Variants in MYH15 observed in about 807,000 individuals in gnomAD.
The protein encoded by MYH15 is myosin-15.
In MYH15, 227 loss-of-function variants were observed where a neutral mutation model predicts 240.5. The observed-to-expected ratio is 0.94, with a 90% CI of 0.85 to 1.05. MYH15 has a LOEUF of 1.05. MYH15 is among the 50% of genes least tolerant of loss of function. The probability of loss-of-function intolerance (pLI) is 0.00; values close to 1 mark genes in which losing one functional copy is unlikely to be tolerated. For missense variants in MYH15, 2,217 were observed against 2,247.5 expected, an observed-to-expected ratio of 0.99 and a Z score of 0.27; for synonymous variants, 785 against 796.7, an observed-to-expected ratio of 0.99 and a Z score of 0.25.
At chr3:108,437,387 A>G (rs2082847712) in intron 25 of MYH15, among the ~76,000 whole-genome samples, 167 bp downstream of exon 25, 1 of 150,262 alleles carries the variant, frequency 6.7e-6, no homozygotes, top group African/African-American at 2.5e-5. Flanking sequence ...TTACAACTAT[A>G]AAATAAAGTC....
chr3:108,510,488 T>C lies in MYH15; in HGVS notation c.43A>G (p.Arg15Gly). ...DLGEAAAFLR[R>G]SEAELLLLQA... is the part of the protein sequence containing the mutation. ...AGTAGAAGCAGCTCAGCTTCACTTC[T>C]TCTGAGGAAGGCTGCGGCTTCTCCA... is the stretch of plus-strand genomic sequence containing the variant. The change falls in exon 1 of 41, where the codon AGA (arginine) becomes GGA (glycine). Residue 15 changes from arginine to glycine, a missense_variant. Coordinates refer to ENST00000693548, the MANE Select transcript of MYH15 (RefSeq NM_014981.3). 1 of 1,613,606 alleles carries C rather than the reference T, an allele frequency of 6.2e-7. No homozygotes were observed. The highest frequency in any genetic ancestry group is 8.5e-7 in the Non-Finnish European group (1 of 1,179,736).
At chr3:108,542,551 G>A in the MYH15 span, among the ~76,000 whole-genome samples, 1 of 151,988 alleles carries the variant, frequency 6.6e-6, no homozygotes, top group African/African-American at 2.4e-5. Context: ...TTTATTTTTA[G>A]CATTGAATAT....
Position 108,476,389 on chromosome 3 carries a change from CA to C in MYH15, c.1233+7del, listed in dbSNP as rs1319494365. Reference sequence around the variant, plus strand: ...TAGAATAATAATGCTCTTGAAATATCACCTTACCTGTTCTATAGTTTGACCT... The same window carrying C: ...TAGAATAATAATGCTCTTGAAATATCCCTTACCTGTTCTATAGTTTGACCT... On this transcript the variant is annotated splice_region_variant and intron_variant, in intron 12 of 40. Transcript: ENST00000693548. 3 of 1,465,966 alleles carry C rather than the reference CA, an allele frequency of 2.0e-6. No individual in the cohort carries two copies. The African/African-American group carries it at 4.2e-5, about 20-fold the overall frequency. 90.8% of individuals were successfully genotyped at this position (1,465,966 alleles called of 1,614,324 possible).
chr3:108,391,709 G>A, intron 37 of MYH15, 51 bp downstream of exon 37: 1 of 1,558,988 alleles, frequency 6.4e-7, no homozygotes, highest in Non-Finnish European at 8.7e-7. Context: ...CCAGGACAAA[G>A]AGGTCTTGAA....
chr3:108,458,232 T>A (rs1360459130), intron 18 of MYH15, among the ~76,000 whole-genome samples: 5 of 152,166 alleles, frequency 3.3e-5, no homozygotes, highest in Non-Finnish European at 1.5e-5. Flanking sequence ...CCAAGTTGAC[T>A]CGATGGGAAG....
intron 27 of MYH15, among the ~76,000 whole-genome samples, chr3:108,427,372 G>C (rs1217514972): frequency 6.6e-6 from 1 of 152,178 alleles, no homozygotes; most frequent in East Asian, 1.9e-4. Context: ...TTCATCAATG[G>C]GACTGGTACA....
chr3:108,452,737 G>A (rs933789668), intron 21 of MYH15, among the ~76,000 whole-genome samples: 1 of 152,012 alleles, frequency 6.6e-6, no homozygotes, highest in African/African-American at 2.4e-5. Context: ...AGAAGGAAAA[G>A]GTAAGACTTG....
At chr3:108,490,070 C>T (rs2083335093) in intron 9 of MYH15, among the ~76,000 whole-genome samples, 1 of 152,086 alleles carries the variant, frequency 6.6e-6, no homozygotes, top group Non-Finnish European at 1.5e-5. Context: ...TTAGATCTTA[C>T]GTGTCAGTTG....
chr3:108,419,486 T>C (rs1351626497), intron 28 of MYH15, among the ~76,000 whole-genome samples: 1 of 152,208 alleles, frequency 6.6e-6, no homozygotes, highest in Non-Finnish European at 1.5e-5. Flanking sequence ...AGCCAATGCC[T>C]ATCAAAATAG....
chr3:108,383,814 G>GT lies in MYH15; in HGVS notation c.5632-86_5632-85insA, dbSNP rs2082362837. 5.6e-5 allele frequency: 60 copies of GT among 1,076,184 alleles called. No individual in the cohort carries two copies. The East Asian group carries it at 1.5e-3, about 28-fold the overall frequency. 66.7% of individuals were successfully genotyped at this position (1,076,184 alleles called of 1,614,324 possible). ...TTTTCTGCTCTGACATGAGAAAGTT[G>GT]AATAATGTGAAAAGAATCTAAACTT... On this transcript the variant is annotated intron_variant, in intron 39 of 40. Coordinates refer to ENST00000693548, the MANE Select transcript of MYH15 (RefSeq NM_014981.3).
chr3:108,468,744 A>G (rs925368566), intron 14 of MYH15, among the ~76,000 whole-genome samples: 1 of 152,240 alleles, frequency 6.6e-6, no homozygotes, highest in Non-Finnish European at 1.5e-5. Context: ...ATCAACTAAA[A>G]ATCAGTAACA....
chr3:108,463,907 T>G (rs558540765), intron 15 of MYH15, among the ~76,000 whole-genome samples: 1 of 151,506 alleles, frequency 6.6e-6, no homozygotes, highest in African/African-American at 2.4e-5. Flanking sequence ...AGCAGTCCTT[T>G]AAAGGCAAGA....
rs564621447 is a variant in MYH15, at chr3:108,384,696, G to T, written c.5622C>A (p.Val1874=). The change falls in exon 39 of 41, where the codon GTC becomes GTA. Residue 1874 remains valine (V), a synonymous_variant. Coordinates refer to ENST00000693548, the MANE Select transcript of MYH15 (RefSeq NM_014981.3). ...TTCCCCAGGCACTCACCGCCACCTC[G>T]ACTTGCTGCTTGTAATTTTGCACTT... ...QLKVQNYKQQ[V]EVAETQANQY... 6.2e-7 allele frequency: 1 copy of T among 1,613,334 alleles called. No homozygotes were observed.
Position 108,391,770 on chromosome 3 carries a change from A to T in MYH15, c.5420T>A (p.Leu1807Gln), listed in dbSNP as rs2082424064. 2 of 1,613,488 alleles carry T rather than the reference A, an allele frequency of 1.2e-6. No individual in the cohort carries two copies. The highest frequency in any genetic ancestry group is 1.7e-6 in the Non-Finnish European group (2 of 1,179,804). The change falls in exon 37 of 41, where the codon CTA becomes CAA. Residue 1807 changes from leucine to glutamine, a missense_variant. Transcript: ENST00000693548. ...LMGSRKQIQK[L>Q]ESRVRELEGE... ...TACCCAGACTCCTACCCTGGATTCT[A>T]GTTTCTGGATTTGCTTTCTACTCCC...
chr3:108,461,068 C>A (rs1302363467), intron 16 of MYH15, among the ~76,000 whole-genome samples: 1 of 152,088 alleles, frequency 6.6e-6, no homozygotes, highest in Non-Finnish European at 1.5e-5. Context: ...CTAGGCCAAC[C>A]AGCTTTACAA....
rs74588235 is a variant in MYH15, at chr3:108,463,057, C to T, written c.1864+54G>A. The stretch of plus-strand genomic sequence containing the variant: ...GCAAGAATTTTTGCAAAAGCTGAGG[C>T]AGCCATGGGTTCCATTCTGAGGCTG... On this transcript the variant is annotated intron_variant, in intron 16 of 40. Transcript: ENST00000693548. 1.7e-3 allele frequency: 2,677 copies of T among 1,548,602 alleles called. 14 individuals carry two copies. Among genetic ancestry groups the T allele is most frequent in the African/African-American group, 0.015 (1,112 of 72,000 alleles).
At chr3:108,416,700 G>A (rs1424878895) in intron 29 of MYH15, 112 bp downstream of exon 29, 1 of 884,592 alleles carries the variant, frequency 1.1e-6, no homozygotes, top group Non-Finnish European at 1.8e-6. Context: ...AACTTCTAGG[G>A]CATTTTCCCT....
At position 108,437,512 on chromosome 3, in the gene MYH15, T is replaced by C. The variant is rs571252274; in HGVS notation, c.3221+42A>G. The C allele has an allele frequency of 7.6e-6, 12 of 1,588,802 alleles. No homozygotes were observed. The East Asian group carries it at 2.5e-4, about 33-fold the overall frequency. On this transcript the variant is annotated intron_variant, in intron 25 of 40. Transcript: ENST00000693548. ...AATGAGAAAGCTGTTCCTTCTAATA[T>C]AAGGTCTCCAGCAATCTCATGTCAA...
Position 108,476,513 on chromosome 3 carries a change from C to A in MYH15, c.1117G>T (p.Ala373Ser), listed in dbSNP as rs374773217. Residue 373 changes from alanine (A) to serine (S), a missense_variant and splice_region_variant, in exon 12 of 41, where the codon GCT (alanine) becomes TCT (serine). Ala to Ser is a moderately conservative substitution (Grantham distance 99, BLOSUM62 1). Transcript: ENST00000693548. ...EQLEADGTEN[A>S]DKAAFLMGIN... ...CCCATGAGGAAAGCAGCTTTGTCAG[C>A]ATCTGGTCATCAGAAATAGAAGAAA... 3.2e-6 allele frequency: 5 copies of A among 1,586,204 alleles called. No homozygotes were observed. Among genetic ancestry groups the A allele is most frequent in the Admixed American group, 3.3e-5 (2 of 59,876 alleles).
Sources: allele counts gnomAD v4.1 joint callset (sites outside exome capture counted in the v4.1 genomes callset), GRCh38; gene constraint gnomAD v4.1.1; transcripts MANE v1.5; gene names NCBI Gene and HGNC (gene_info 2026-07-23, HGNC 2026-07-21).